Variants in GLIS3 observed in about 807,000 individuals in gnomAD.
GLIS3 encodes zinc finger protein GLIS3.
In GLIS3, 53 loss-of-function variants were observed where a neutral mutation model predicts 78.6. That is an observed-to-expected ratio of 0.67 (90% CI 0.54 to 0.85). The LOEUF (loss-of-function observed/expected upper bound fraction) is 0.85. Among genes scored for constraint, GLIS3 ranks in the 40% least tolerant of loss-of-function variants. The pLI, the probability that GLIS3 is intolerant of heterozygous loss-of-function variation, is 0.00. For missense variants in GLIS3, 1,703 were observed against 1,231.1 expected (o/e 1.38, Z -5.74); for synonymous variants, 684 against 509.9 (o/e 1.34, Z -4.60).
At chr9:4,244,181 G>A (rs893403109) in intron 2 of GLIS3, among the ~76,000 whole-genome samples, 1 of 152,210 alleles carries the variant, frequency 6.6e-6, no homozygotes, top group East Asian at 1.9e-4. Context: ...TGCACCTGTA[G>A]ATTAAATTGC....
Position 3,827,461 on chromosome 9 carries a change from CCCACT to C in GLIS3, c.*806_*810del, listed in dbSNP as rs1241408966. 6.6e-6 allele frequency: 1 copy of C among 152,294 alleles called. No individual in the cohort carries two copies. The highest frequency in any genetic ancestry group is 2.4e-5 in the African/African-American group (1 of 41,428). 9.4% of individuals were successfully genotyped at this position (152,294 alleles called of 1,614,324 possible). A position where few individuals can be genotyped will look rare whatever the true frequency, so the allele number is the denominator to read the frequency against. Reference sequence around the variant, plus strand: ...TACAGGACTGTTGGTGCGGGAGGTGCCCACTCCATTTCCCTCAGGTAACCTTTGCT... The same window carrying C: ...TACAGGACTGTTGGTGCGGGAGGTGCCCATTTCCCTCAGGTAACCTTTGCT... On this transcript the variant is annotated 3_prime_UTR_variant, in exon 11 of 11. Transcript: ENST00000381971.
the GLIS3 span, among the ~76,000 whole-genome samples, chr9:4,376,287 T>A: frequency 6.6e-5 from 10 of 152,156 alleles, no homozygotes; most frequent in Non-Finnish European, 1.5e-4. Flanking sequence ...TAATTCATCT[T>A]TTCAGGTGTC....
chr9:4,438,547 T>C, the GLIS3 span, among the ~76,000 whole-genome samples: 1 of 152,190 alleles, frequency 6.6e-6, no homozygotes, highest in African/African-American at 2.4e-5. Context: ...TAGCTTATCC[T>C]GAATCTGGTG....
chr9:4,131,482 T>C (rs538088129), intron 2 of GLIS3, among the ~76,000 whole-genome samples: 17 of 152,264 alleles, frequency 1.1e-4, no homozygotes, highest in African/African-American at 4.1e-4. Context: ...CATGAATGGT[T>C]TGGCACTGTC....
intron 2 of GLIS3, among the ~76,000 whole-genome samples, chr9:4,149,477 G>T (rs906066908): frequency 6.6e-6 from 1 of 152,176 alleles, no homozygotes; most frequent in Non-Finnish European, 1.5e-5. Flanking sequence ...CAGGACAATT[G>T]TCATTCTTCT....
At chr9:4,227,994 C>T (rs193023847) in intron 2 of GLIS3, among the ~76,000 whole-genome samples, 86 of 152,212 alleles carry the variant, frequency 5.7e-4, no homozygotes, top group Admixed American at 3.1e-3. Context: ...ACTTAGAAAA[C>T]TTTGATGAGC....
intron 2 of GLIS3, among the ~76,000 whole-genome samples, chr9:4,327,292 G>A (rs1265034074): frequency 6.6e-6 from 1 of 152,202 alleles, no homozygotes; most frequent in Non-Finnish European, 1.5e-5. Context: ...AGATGTCAGG[G>A]TGTAGGGCCA....
chr9:4,293,703 G>A (rs1314780448), intron 1 of GLIS3, among the ~76,000 whole-genome samples: 3 of 152,208 alleles, frequency 2.0e-5, no homozygotes, highest in African/African-American at 7.2e-5. Context: ...TGATGGAGCT[G>A]GCTTAGAACT....
At chr9:4,188,906 G>A (rs539209425) in intron 2 of GLIS3, among the ~76,000 whole-genome samples, 2 of 151,920 alleles carry the variant, frequency 1.3e-5, no homozygotes, top group East Asian at 3.9e-4. Context: ...TATTAGTCTT[G>A]CTAGCGGTCT....
intron 4 of GLIS3, among the ~76,000 whole-genome samples, chr9:4,082,488 G>C (rs1169599085): frequency 6.6e-6 from 1 of 152,298 alleles, no homozygotes; most frequent in East Asian, 1.9e-4. Flanking sequence ...CTCAGGTCTT[G>C]AGGGAGAAGA....
At chr9:4,485,245 C>T in the GLIS3 span, among the ~76,000 whole-genome samples, 1 of 152,088 alleles carries the variant, frequency 6.6e-6, no homozygotes, top group African/African-American at 2.4e-5. Flanking sequence ...AAACTCCTGA[C>T]CTCAAGTAAT....
chr9:3,906,515 G>A (rs1196770517), intron 6 of GLIS3, among the ~76,000 whole-genome samples: 1 of 152,194 alleles, frequency 6.6e-6, no homozygotes, highest in Non-Finnish European at 1.5e-5. Context: ...GGAGCAGGTT[G>A]GAGGTAAATC....
intron 2 of GLIS3, among the ~76,000 whole-genome samples, chr9:4,241,528 A>G (rs1823311726): frequency 2.0e-5 from 3 of 152,204 alleles, no homozygotes; most frequent in Non-Finnish European, 4.4e-5. Flanking sequence ...CAACTACCCC[A>G]AAACTATAAA....
At chr9:4,121,253 A>G in intron 3 of GLIS3, among the ~76,000 whole-genome samples, 1 of 152,188 alleles carries the variant, frequency 6.6e-6, no homozygotes, top group Non-Finnish European at 1.5e-5. Context: ...ACTAGCTCCC[A>G]GTGGAAGTTC....
At chr9:3,882,871 T>C (rs1219730526) in intron 7 of GLIS3, among the ~76,000 whole-genome samples, 3 of 152,340 alleles carry the variant, frequency 2.0e-5, no homozygotes, top group Admixed American at 2.0e-4. Context: ...TTCTATAGTA[T>C]AGGAAAATCT....
chr9:4,378,124 C>G, the GLIS3 span, among the ~76,000 whole-genome samples: 2 of 151,994 alleles, frequency 1.3e-5, no homozygotes, highest in African/African-American at 4.8e-5. Context: ...TATACAAATG[C>G]TAATTATTAC....
the GLIS3 span, among the ~76,000 whole-genome samples, chr9:4,469,053 T>C: frequency 2.0e-5 from 3 of 152,088 alleles, no homozygotes; most frequent in Admixed American, 2.0e-4. Flanking sequence ...CATTACATAA[T>C]GGTAAAGGGA....
In GLIS3 at chr9:3,856,070, G is replaced by A; in HGVS notation, c.2412C>T (p.His804=). The part of the protein sequence containing the change: ...PPYTQQPSGS[H]LKSYQPETNS... ...TTGTTTCTGGCTGATAGGACTTCAG[G>A]TGTGAACCTGATGGCTGCTGGGTAT... is the stretch of plus-strand genomic sequence containing the variant. The change falls in exon 9 of 11, where the codon CAC becomes CAT. Residue 804 remains histidine (H), a synonymous_variant. Transcript: ENST00000381971. 1 of 1,614,208 alleles carries A rather than the reference G, an allele frequency of 6.2e-7. No individual in the cohort carries two copies. The highest frequency in any genetic ancestry group is 8.5e-7 in the Non-Finnish European group (1 of 1,180,030).
chr9:4,094,817 A>T (rs1829810199), intron 4 of GLIS3, among the ~76,000 whole-genome samples: 1 of 152,216 alleles, frequency 6.6e-6, no homozygotes, highest in African/African-American at 2.4e-5. Context: ...TTTGGCTCAC[A>T]AACTAGGACA....
Sources: gnomAD v4.1 joint callset for allele counts (sites outside exome capture counted in the v4.1 genomes callset) on GRCh38, gnomAD v4.1.1 for gene constraint, MANE v1.5 for transcripts, NCBI Gene and HGNC (gene_info 2026-07-23, HGNC 2026-07-21) for gene names.